Variants in ELMO1 observed in about 807,000 individuals in gnomAD.
The protein encoded by ELMO1 is engulfment and cell motility 1.
ELMO1 carries 26 observed loss-of-function variants against 98.9 expected under a neutral mutation model. That is an observed-to-expected ratio of 0.26 (90% CI 0.19 to 0.36). The LOEUF (loss-of-function observed/expected upper bound fraction) is 0.36. Ranked by LOEUF, ELMO1 falls within the 10% of genes least tolerant of loss-of-function variation. ELMO1 has a pLI of 1.00. For synonymous variants in ELMO1, 346 were observed against 346.0 expected (o/e 1.00, Z 0.00); for missense variants, 627 against 935.2 (o/e 0.67, Z 4.30).
chr7:36,870,482 T>C lies in ELMO1; in HGVS notation c.1823-7A>G. Reference sequence around the variant, plus strand: ...TTGATATCTGCCACCGGCACTGCAATTCATAAAAGAAAATGCAAGTAACTA... The same window carrying C: ...TTGATATCTGCCACCGGCACTGCAACTCATAAAAGAAAATGCAAGTAACTA... On this transcript the variant is annotated splice_polypyrimidine_tract_variant and splice_region_variant and intron_variant, in intron 19 of 21. Coordinates refer to ENST00000310758, the MANE Select transcript of ELMO1 (RefSeq NM_014800.11). The surrounding 1 kb of genome is among the most constrained non-coding windows in gnomAD (Gnocchi z 4.4). The C allele has an allele frequency of 6.2e-7, 1 of 1,612,690 alleles. No homozygotes were observed. Among genetic ancestry groups the C allele is most frequent in the Non-Finnish European group, 8.5e-7 (1 of 1,179,582 alleles).
chr7:37,374,497 A>G (rs1802247384), intron 1 of ELMO1, among the ~76,000 whole-genome samples: 1 of 152,238 alleles, frequency 6.6e-6, no homozygotes. Flanking sequence ...CATGCCTGTA[A>G]TCCCAGCACT....
chr7:37,032,104 T>TA (rs1794916344), intron 15 of ELMO1, among the ~76,000 whole-genome samples: 2 of 152,206 alleles, frequency 1.3e-5, no homozygotes, highest in African/African-American at 4.8e-5. Flanking sequence ...AGAAACATCC[T>TA]ATTAGAGTGC....
intron 1 of ELMO1, among the ~76,000 whole-genome samples, chr7:37,381,981 C>A (rs74611185): frequency 0.079 from 11,968 of 152,140 alleles, 608 homozygotes; most frequent in Middle Eastern, 0.12. Context: ...TAGTAGTTTT[C>A]TTTAAGAATT....
chr7:37,136,071 C>T (rs1192431288), intron 13 of ELMO1, among the ~76,000 whole-genome samples: 1 of 152,042 alleles, frequency 6.6e-6, no homozygotes, highest in East Asian at 1.9e-4. Flanking sequence ...TAGAGAAATG[C>T]AAAATTCACT....
intron 5 of ELMO1, chr7:37,270,029 CT>C (rs1168894380): frequency 3.3e-5 from 5 of 152,106 alleles, no homozygotes; most frequent in African/African-American, 1.2e-4. Flanking sequence ...AAAAAGCTGT[CT>C]TTTAGACTCT....
intron 5 of ELMO1, among the ~76,000 whole-genome samples, chr7:37,263,072 T>C (rs945830273): frequency 2.0e-5 from 3 of 152,156 alleles, no homozygotes; most frequent in African/African-American, 4.8e-5. Context: ...ATTTTTCCAA[T>C]TGGATCCAGA....
rs546187911 is a variant in ELMO1 at position 36,973,828 on chromosome 7, G to A, written c.1437+39471C>T. 1.5e-4 allele frequency among the ~76,000 whole-genome samples: 23 copies of A among 152,350 alleles called. No homozygotes were observed. In the East Asian group the frequency reaches 4.1e-3, roughly 27 times the overall value. ...CAGATGGGCGTGGTCTTGGCGGCCC[G>A]CACTCGGAGCAGCCGGCCCTGCCGT... On this transcript the variant is annotated intron_variant, in intron 16 of 21. Transcript: ENST00000310758.
chr7:37,022,951 C>T (rs1041480626), intron 15 of ELMO1, among the ~76,000 whole-genome samples: 5 of 152,102 alleles, frequency 3.3e-5, no homozygotes, highest in African/African-American at 1.2e-4. Flanking sequence ...ATAACTTTCA[C>T]AATAGCATGA....
intron 18 of ELMO1, among the ~76,000 whole-genome samples, chr7:36,881,682 A>G (rs576625727): frequency 6.6e-6 from 1 of 152,282 alleles, no homozygotes; most frequent in East Asian, 1.9e-4. Flanking sequence ...TGTGAAGGAT[A>G]AGAGGGAAGA....
chr7:37,256,397 C>G (rs185639981), intron 6 of ELMO1, among the ~76,000 whole-genome samples: 6 of 151,896 alleles, frequency 4.0e-5, no homozygotes, highest in Admixed American at 1.3e-4. Flanking sequence ...GTTAAGATCC[C>G]CAACTCCAAA....
intron 1 of ELMO1, among the ~76,000 whole-genome samples, chr7:37,352,165 T>C (rs972773176): frequency 6.6e-6 from 1 of 152,206 alleles, no homozygotes; most frequent in African/African-American, 2.4e-5. Context: ...GAAACCAAGA[T>C]GTAAAGACAT....
intron 15 of ELMO1, among the ~76,000 whole-genome samples, chr7:37,018,738 A>G (rs1211961866): frequency 6.6e-6 from 1 of 152,172 alleles, no homozygotes; most frequent in Admixed American, 6.5e-5. Context: ...TGATCTCGCA[A>G]AGTGCTGCGA....
At chr7:37,325,619 T>C (rs1046966488) in intron 2 of ELMO1, among the ~76,000 whole-genome samples, 3 of 152,154 alleles carry the variant, frequency 2.0e-5, no homozygotes, top group Admixed American at 6.6e-5. Context: ...TCTCCAGTGC[T>C]TAAAAAAAAA....
intron 16 of ELMO1, among the ~76,000 whole-genome samples, chr7:36,957,986 A>C (rs1402569751): frequency 6.6e-6 from 1 of 151,970 alleles, no homozygotes; most frequent in African/African-American, 2.4e-5. Flanking sequence ...TTAACTTACT[A>C]CTGTCTTTGT....
At position 37,255,911 on chromosome 7, in the gene ELMO1, T is replaced by C. The variant is rs187116114; in HGVS notation, c.413+3270A>G. On this transcript the variant is annotated intron_variant, in intron 6 of 21. Coordinates refer to ENST00000310758, the MANE Select transcript of ELMO1 (RefSeq NM_014800.11). Reference sequence around the variant, plus strand: ...ACCAGAAGCCGTGGGGGGTATGTAGTATAGGCTACCATGTCTGGCAGGTAC... The same window carrying C: ...ACCAGAAGCCGTGGGGGGTATGTAGCATAGGCTACCATGTCTGGCAGGTAC... Among the ~76,000 whole-genome samples the C allele has an allele frequency of 8.3e-3, 1,267 of 152,300 alleles. 12 individuals carry two copies. Among genetic ancestry groups the C allele is most frequent in the Non-Finnish European group, 0.011 (734 of 68,016 alleles).
chr7:37,209,648 C>T (rs747875921), intron 13 of ELMO1, among the ~76,000 whole-genome samples: 9 of 152,122 alleles, frequency 5.9e-5, no homozygotes, highest in Non-Finnish European at 1.3e-4. Flanking sequence ...CAAGTGACCT[C>T]GATATGTCTT....
At chr7:37,186,754 A>G (rs940698805) in intron 13 of ELMO1, among the ~76,000 whole-genome samples, 1 of 152,212 alleles carries the variant, frequency 6.6e-6, no homozygotes, top group Non-Finnish European at 1.5e-5. Context: ...CAATACCACA[A>G]TGAGATACCA....
chr7:37,374,092 G>T (rs1264755548), intron 1 of ELMO1, among the ~76,000 whole-genome samples: 1 of 152,152 alleles, frequency 6.6e-6, no homozygotes, highest in Non-Finnish European at 1.5e-5. Context: ...GCTTTGGTCT[G>T]CTTTTCCCAA....
chr7:37,339,172 T>C (rs1423837600), intron 2 of ELMO1, among the ~76,000 whole-genome samples: 1 of 152,228 alleles, frequency 6.6e-6, no homozygotes, highest in African/African-American at 2.4e-5. Context: ...TGGAAGCCCT[T>C]GGATTAGATT....
Sources: gnomAD v4.1 joint callset for allele counts (sites outside exome capture counted in the v4.1 genomes callset) on GRCh38, gnomAD v4.1.1 for gene constraint, Gnocchi (gnomAD v3.1) non-coding constraint, MANE v1.5 for transcripts, NCBI Gene and HGNC (gene_info 2026-07-23, HGNC 2026-07-21) for gene names.